The following MEF2C variants were observed in gnomAD, a reference collection of about 807,000 sequenced individuals.
MEF2C encodes the protein myocyte-specific enhancer factor 2C.
A neutral mutation model predicts 50.5 loss-of-function variants in MEF2C; 6 were observed. The ratio of observed to expected loss-of-function variants is 0.12; its 90% CI spans 0.07 to 0.23. The LOEUF (loss-of-function observed/expected upper bound fraction) is 0.23. Among genes scored for constraint, MEF2C ranks in the 10% least tolerant of loss-of-function variants. MEF2C has a pLI of 1.00. For synonymous variants in MEF2C, 183 were observed against 228.0 expected (o/e 0.80, Z 1.78); for missense variants, 276 against 605.0 (o/e 0.46, Z 5.70).
chr5:88,842,300 T>C (rs1817662247), intron 1 of MEF2C, among the ~76,000 whole-genome samples: 1 of 152,130 alleles, frequency 6.6e-6, no homozygotes, highest in Non-Finnish European at 1.5e-5. Flanking sequence ...CCAGGTTTGA[T>C]GAAAACTAAA....
chr5:88,891,587 T>C (rs929874517), intron 1 of MEF2C, among the ~76,000 whole-genome samples: 1 of 151,974 alleles, frequency 6.6e-6, no homozygotes, highest in Non-Finnish European at 1.5e-5. Flanking sequence ...TTTTTTTGTA[T>C]TTTTAGTAGA....
chr5:88,772,975 A>G, intron 3 of MEF2C: 1 of 881,528 alleles, frequency 1.1e-6, no homozygotes, highest in Non-Finnish European at 1.4e-6. Context: ...ATACTGCTCA[A>G]TACCCATATT....
At chr5:88,894,341 C>A (rs1452912122) in intron 1 of MEF2C, among the ~76,000 whole-genome samples, 2 of 152,116 alleles carry the variant, frequency 1.3e-5, no homozygotes, top group Non-Finnish European at 2.9e-5. Context: ...GTATTCATAA[C>A]GTTTGTTCAC....
chr5:88,800,037 G>C (rs990401544), intron 3 of MEF2C, among the ~76,000 whole-genome samples: 3 of 152,178 alleles, frequency 2.0e-5, no homozygotes, highest in African/African-American at 7.2e-5. Flanking sequence ...CTAGAGAGCA[G>C]CAAAGGGCCT....
At chr5:88,831,404 C>G (rs1812964666) in intron 1 of MEF2C, among the ~76,000 whole-genome samples, 1 of 151,426 alleles carries the variant, frequency 6.6e-6, no homozygotes, top group Non-Finnish European at 1.5e-5. Context: ...TTATTTTACT[C>G]TGCATTCAAA....
chr5:88,889,498 G>C (rs1451464681), intron 1 of MEF2C: 1 of 152,514 alleles, frequency 6.6e-6, no homozygotes, highest in Non-Finnish European at 1.5e-5. Flanking sequence ...CGCCACGTGC[G>C]TGCGCCACGG....
chr5:88,756,786 C>G (rs1307914387), intron 4 of MEF2C, among the ~76,000 whole-genome samples: 1 of 114,688 alleles, frequency 8.7e-6, no homozygotes, highest in Non-Finnish European at 2.1e-5. Flanking sequence ...TACATTTAAA[C>G]AATTTTTTTT....
intron 1 of MEF2C, chr5:88,843,380 C>A: frequency 1.0e-6 from 1 of 985,020 alleles, no homozygotes; most frequent in Non-Finnish European, 1.2e-6. Flanking sequence ...GGTGAACCAA[C>A]AAATTGTTGA....
chr5:88,722,724 G>A lies in MEF2C; in HGVS notation c.1302C>T (p.Ser434=), dbSNP rs1009126760. 4 of 1,613,818 alleles carry A rather than the reference G, an allele frequency of 2.5e-6. No individual in the cohort carries two copies. The highest frequency in any genetic ancestry group is 1.3e-5 in the African/African-American group (1 of 74,902). Residue 434 remains serine (S), a synonymous_variant, in exon 11 of 11, where the codon AGC becomes AGT. Transcript: ENST00000504921. The stretch of plus-strand genomic sequence containing the variant: ...ATTCGTTCCGGTGATCCTCTCGGTC[G>A]CTCCCGTCGTACGAACTGCTACAGC... The part of the protein sequence containing the change: ...LSSCSSSYDG[S]DREDHRNEFH...
intron 3 of MEF2C, among the ~76,000 whole-genome samples, chr5:88,786,993 A>C (rs990825143): frequency 6.6e-6 from 1 of 152,250 alleles, no homozygotes; most frequent in African/African-American, 2.4e-5. Context: ...CAGAATGCTT[A>C]GCAAATGATC....
chr5:88,730,721 T>A (rs1301239772), intron 7 of MEF2C, among the ~76,000 whole-genome samples: 1 of 152,198 alleles, frequency 6.6e-6, no homozygotes, highest in Non-Finnish European at 1.5e-5. Context: ...ACCCAGTTTT[T>A]TTCTGAAGGG....
chr5:88,774,479 C>T (rs981739911), intron 3 of MEF2C, among the ~76,000 whole-genome samples: 7 of 151,968 alleles, frequency 4.6e-5, no homozygotes, highest in African/African-American at 1.4e-4. Context: ...CCCGCCACCA[C>T]GCCAGGTTAA....
Position 88,799,169 on chromosome 5 carries a change from A to G in MEF2C, c.258+5429T>C, listed in dbSNP as rs193204770. On this transcript the variant is annotated intron_variant, in intron 3 of 10. Coordinates refer to ENST00000504921, the MANE Select transcript of MEF2C (RefSeq NM_002397.5). ...GTCTGTCCCTCAGCAGAGCTCAAGT[A>G]CTGTGCTGGGAGATCCGCTGCTCTC... is the stretch of plus-strand genomic sequence containing the variant. 1.3e-3 allele frequency among the ~76,000 whole-genome samples: 203 copies of G among 152,350 alleles called. 3 individuals are homozygous for G. Among genetic ancestry groups the G allele is most frequent in the South Asian group, 0.011 (53 of 4,826 alleles).
intron 3 of MEF2C, among the ~76,000 whole-genome samples, chr5:88,773,440 A>G (rs1783324688): frequency 6.6e-6 from 1 of 152,232 alleles, no homozygotes; most frequent in African/African-American, 2.4e-5. Context: ...AGAGAGAGTT[A>G]ATAGAATTAA....
intron 1 of MEF2C, among the ~76,000 whole-genome samples, chr5:88,846,382 A>C (rs2153361966): frequency 6.6e-6 from 1 of 152,300 alleles, no homozygotes; most frequent in Middle Eastern, 3.4e-3. Context: ...TCAACACTTT[A>C]CGAAAGTGCT....
chr5:88,880,923 C>G (rs1832645122), intron 1 of MEF2C: 1 of 152,008 alleles, frequency 6.6e-6, no homozygotes, highest in South Asian at 2.1e-4. Context: ...ATAAAACTTA[C>G]ACTTTAATAT....
rs535034912 is a variant in MEF2C at position 88,769,165 on chromosome 5, G to A, written c.259-7837C>T. On this transcript the variant is annotated intron_variant, in intron 3 of 10. Coordinates refer to ENST00000504921, the MANE Select transcript of MEF2C (RefSeq NM_002397.5). Reference sequence around the variant, plus strand: ...AAACCTTTGTAGGAAAGAGCACAGGGAAATTTGTGAATGTGAGTCAGATAC... The same window carrying A: ...AAACCTTTGTAGGAAAGAGCACAGGAAAATTTGTGAATGTGAGTCAGATAC... Among the ~76,000 whole-genome samples, 13 of 152,312 alleles carry A rather than the reference G, an allele frequency of 8.5e-5. 1 individual carries two copies. The South Asian group carries it at 2.7e-3, about 32-fold the overall frequency.
At chr5:88,859,700 T>C (rs73770413) in intron 1 of MEF2C, among the ~76,000 whole-genome samples, 3,768 of 152,316 alleles carry the variant, frequency 0.025, 159 homozygotes, top group African/African-American at 0.086. Context: ...GAAGTTGCGC[T>C]CAACGAGCAA....
intron 1 of MEF2C, among the ~76,000 whole-genome samples, chr5:88,897,610 A>AT (rs750342106): frequency 8.6e-5 from 13 of 151,960 alleles, no homozygotes; most frequent in African/African-American, 2.2e-4. Flanking sequence ...CTTAAGAATG[A>AT]TTTTTTTTCT....
Sources: gnomAD v4.1 joint callset for allele counts (sites outside exome capture counted in the v4.1 genomes callset) on GRCh38, gnomAD v4.1.1 for gene constraint, MANE v1.5 for transcripts, NCBI Gene and HGNC (gene_info 2026-07-23, HGNC 2026-07-21) for gene names.